IVD: variants seen among roughly 807,000 people sequenced by gnomAD.
The protein encoded by IVD is isovaleryl-CoA dehydrogenase.
IVD carries 31 observed loss-of-function variants against 51.3 expected under a neutral mutation model. That is an observed-to-expected ratio of 0.60 (90% confidence interval 0.45 to 0.81). IVD has a LOEUF of 0.81. IVD is among the 40% of genes least tolerant of loss of function. The pLI is 0.00. For missense variants in IVD, 475 were observed against 552.0 expected, an observed-to-expected ratio of 0.86 and a Z score of 1.40; for synonymous variants, 205 against 219.4, an observed-to-expected ratio of 0.93 and a Z score of 0.58.
chr15:40,431,976 T>G (rs1893001519), intron 7 of IVD, among the ~76,000 whole-genome samples: 1 of 151,698 alleles, frequency 6.6e-6, no homozygotes, highest in Non-Finnish European at 1.5e-5. Context: ...TTTTTTTTTT[T>G]TTTTTGAGAT....
chr15:40,429,660 C>T (rs938377909), intron 7 of IVD, among the ~76,000 whole-genome samples: 1 of 152,286 alleles, frequency 6.6e-6, no homozygotes, highest in East Asian at 1.9e-4. Context: ...CCTCCACCAA[C>T]CTTATCTAGA....
intron 3 of IVD, 27 bp from the exon 4 acceptor site, chr15:40,410,601 C>T (rs1446118229): frequency 6.2e-6 from 10 of 1,613,748 alleles, no homozygotes; most frequent in Non-Finnish European, 8.5e-6. Flanking sequence ...CTGCGTTTTC[C>T]ACTCCCTTGT....
At chr15:40,435,677 C>T (rs1893228683), downstream of IVD, 4 of 1,032,980 alleles carry the variant, frequency 3.9e-6, no homozygotes, top group Non-Finnish European at 4.7e-6. Flanking sequence ...GCCCTACCCA[C>T]TTCTCCAGCC....
chr15:40,423,493 G>C (rs192553247), downstream of IVD, among the ~76,000 whole-genome samples: 1 of 152,076 alleles, frequency 6.6e-6, no homozygotes, highest in Non-Finnish European at 1.5e-5. Context: ...GGAATCTTGC[G>C]CTCTCTCGCC....
In IVD at chr15:40,405,854, G is replaced by T. The variant is rs760413553; in HGVS notation, c.27G>T (p.Gly9=). The change falls in exon 1 of 12, where the codon GGG becomes GGT. Residue 9 remains glycine, a synonymous_variant. Coordinates refer to ENST00000487418, the MANE Select transcript of IVD (RefSeq NM_002225.5). MATATRLL[G]WRVASWRLRP... ...TGGCGACTGCGACTCGGCTGCTGGG[G>T]TGGCGTGTGGCGAGCTGGAGGCTGC... is the stretch of plus-strand genomic sequence containing the variant. 3.1e-6 allele frequency: 5 copies of T among 1,612,664 alleles called. No individual in the cohort carries two copies. The African/African-American group carries it at 5.3e-5, about 17-fold the overall frequency.
chr15:40,418,415 A>G lies in IVD; in HGVS notation c.*152A>G, dbSNP rs1891950498. The G allele has an allele frequency of 6.4e-7, 1 of 1,551,668 alleles. No individual in the cohort carries two copies. Among genetic ancestry groups the G allele is most frequent in the South Asian group, 1.2e-5 (1 of 86,662 alleles). On this transcript the variant is annotated 3_prime_UTR_variant, in exon 12 of 12. Transcript: ENST00000487418. ...TCTGGATGAGGTTGAGTTCTCCACAACAGCTCCCAAGCATCATGGGCCTCG... is the reference window on the plus strand; with the variant it reads ...TCTGGATGAGGTTGAGTTCTCCACAGCAGCTCCCAAGCATCATGGGCCTCG...
Position 40,433,566 on chromosome 15 carries a change from A to G in IVD, c.720-288A>G, listed in dbSNP as rs79474821. Among the ~76,000 whole-genome samples, 35 of 152,296 alleles carry G rather than the reference A, an allele frequency of 2.3e-4. 1 individual carries two copies. The East Asian group carries it at 4.8e-3, about 21-fold the overall frequency. On this transcript the variant is annotated intron_variant, in intron 7 of 8. Transcript: ENST00000473112. ...AGGGGAGAAGTCATACTCCAAGTTG[A>G]TATCTGAGCGGACAAGTGTTCTGGT...
At chr15:40,414,393 A>C (rs777267653) in intron 7 of IVD, 4 of 182,402 alleles carry the variant, frequency 2.2e-5, no homozygotes, top group Non-Finnish European at 4.8e-5. Context: ...TCCTGGCTTT[A>C]CTGGGTGGAG....
chr15:40,414,583 G>A, intron 7 of IVD: 1 of 358,222 alleles, frequency 2.8e-6, no homozygotes, highest in South Asian at 2.3e-5. Context: ...GGGATTGGGT[G>A]ACTTCTAGAC....
intron 8 of IVD, 33 bp downstream of exon 8, chr15:40,415,015 C>G: frequency 6.8e-6 from 11 of 1,611,086 alleles, no homozygotes; most frequent in Non-Finnish European, 9.3e-6. Context: ...AAGCTGGGCT[C>G]TGTCGGCCTC....
At chr15:40,434,097 G>T (rs1893135881) in intron 8 of IVD, among the ~76,000 whole-genome samples, 2 of 152,232 alleles carry the variant, frequency 1.3e-5, no homozygotes, top group South Asian at 4.1e-4. Flanking sequence ...CATGGGCAAG[G>T]TGGGAGTATG....
Position 40,419,233 on chromosome 15 carries a change from A to G in IVD, c.*970A>G, listed in dbSNP as rs1240746227. 1 of 1,289,222 alleles carries G rather than the reference A, an allele frequency of 7.8e-7. No homozygotes were observed. The highest frequency in any genetic ancestry group is 1.0e-6 in the Non-Finnish European group (1 of 988,814). 79.9% of individuals were successfully genotyped at this position (1,289,222 alleles called of 1,614,324 possible). Reference sequence around the variant, plus strand: ...TATGAACACATATGCTTGCTTGGCCAGGCAAGGTGGTGTGTGCCTGTAATC... The same window carrying G: ...TATGAACACATATGCTTGCTTGGCCGGGCAAGGTGGTGTGTGCCTGTAATC... On this transcript the variant is annotated 3_prime_UTR_variant, in exon 12 of 12. Transcript: ENST00000487418.
rs529793013 is a variant in IVD, at chr15:40,418,552, C to CT, written c.*290dup. The CT allele has an allele frequency of 1.2e-4, 153 of 1,231,916 alleles. No individual in the cohort carries two copies. In the African/African-American group the frequency reaches 2.2e-3, roughly 18 times the overall value. 76.3% of individuals were successfully genotyped at this position (1,231,916 alleles called of 1,614,324 possible). ...TTTGGTGACTCTGTGCCCTTGCTCT[C>CT]TAACTTCTGAGCCCACCTCCCAGGG... On this transcript the variant is annotated 3_prime_UTR_variant, in exon 12 of 12. Transcript: ENST00000487418.
chr15:40,427,427 G>A (rs970267357), downstream of IVD, among the ~76,000 whole-genome samples: 1 of 152,218 alleles, frequency 6.6e-6, no homozygotes, highest in African/African-American at 2.4e-5. Context: ...CCCAGCGCTG[G>A]GGGCTGCCTG....
intron 3 of IVD, among the ~76,000 whole-genome samples, chr15:40,409,664 A>C (rs1259372058): frequency 1.3e-5 from 2 of 152,134 alleles, no homozygotes; most frequent in Non-Finnish European, 2.9e-5. Context: ...GGGTGGTATC[A>C]GGTGTCTCAG....
At chr15:40,410,820 C>T (rs767161608) in intron 4 of IVD, 23 bp downstream of exon 4, 5 of 1,613,070 alleles carry the variant, frequency 3.1e-6, no homozygotes, top group Non-Finnish European at 1.7e-6. Flanking sequence ...AAATGTAATA[C>T]ACGCTAATCT....
Position 40,416,355 on chromosome 15 carries a change from G to T in IVD, c.1131G>T (p.Gln377His). The change falls in exon 11 of 12, where the codon CAG (glutamine) becomes CAT (histidine). Residue 377 changes from glutamine to histidine, a missense_variant. Transcript: ENST00000487418. ...CACAGGTAGCCCTGGACGGCATTCA[G>T]TGTTTTGGTGAGTGATCCCCACTTC... ...CATQVALDGI[Q>H]CFGGNGYIND... 3 of 1,613,992 alleles carry T rather than the reference G, an allele frequency of 1.9e-6. No homozygotes were observed. Among genetic ancestry groups the T allele is most frequent in the Non-Finnish European group, 2.5e-6 (3 of 1,179,994 alleles).
chr15:40,406,460 C>T (rs181177264), intron 1 of IVD: 31 of 708,996 alleles, frequency 4.4e-5, no homozygotes, highest in Middle Eastern at 5.9e-4. Context: ...GCTCTTCAGC[C>T]CATTGGGTCA....
At chr15:40,424,949 G>A (rs548837576), downstream of IVD, among the ~76,000 whole-genome samples, 16 of 152,166 alleles carry the variant, frequency 1.1e-4, no homozygotes, top group Non-Finnish European at 2.4e-4. Context: ...AGGGCCAGCC[G>A]GCTTTGCCTG....
Sources: allele counts gnomAD v4.1 joint callset (sites outside exome capture counted in the v4.1 genomes callset), GRCh38; gene constraint gnomAD v4.1.1; transcripts MANE v1.5; gene names NCBI Gene and HGNC (gene_info 2026-07-23, HGNC 2026-07-21).